The following PRDM16 variants were observed in gnomAD, a reference collection of about 807,000 sequenced individuals.
The protein encoded by PRDM16 is histone-lysine N-methyltransferase PRDM16.
In PRDM16, 23 loss-of-function variants were observed where a neutral mutation model predicts 110.6. The observed-to-expected ratio is 0.21, with a 90% CI of 0.15 to 0.29. The LOEUF (loss-of-function observed/expected upper bound fraction) is 0.29. Among genes scored for constraint, PRDM16 ranks in the 10% least tolerant of loss-of-function variants. The probability of loss-of-function intolerance (pLI) is 1.00; values close to 1 mark genes in which losing one functional copy is unlikely to be tolerated. For missense variants in PRDM16, 1,615 were observed against 1,794.3 expected, an observed-to-expected ratio of 0.90 and a Z score of 1.81; for synonymous variants, 799 against 781.8, an observed-to-expected ratio of 1.02 and a Z score of -0.37.
intron 1 of PRDM16, among the ~76,000 whole-genome samples, chr1:3,183,931 C>T (rs564150548): frequency 1.3e-5 from 2 of 152,296 alleles, no homozygotes; most frequent in Admixed American, 1.3e-4. Flanking sequence ...CGGCCTCCAA[C>T]CCGACTTTGT....
intron 3 of PRDM16, among the ~76,000 whole-genome samples, chr1:3,312,658 C>G (rs775670507): frequency 5.2e-5 from 8 of 152,386 alleles, no homozygotes; most frequent in Non-Finnish European, 1.0e-4. Context: ...AGAACCCGGC[C>G]TCGGCCAAGC....
At chr1:3,178,392 G>A (rs35483085) in intron 1 of PRDM16, among the ~76,000 whole-genome samples, 7,898 of 152,180 alleles carry the variant, frequency 0.052, 226 homozygotes, top group Admixed American at 0.072. Context: ...ACCCAGAACC[G>A]AGCTCTGCGG....
At chr1:3,134,853 G>A (rs1026037241) in intron 1 of PRDM16, among the ~76,000 whole-genome samples, 2 of 152,234 alleles carry the variant, frequency 1.3e-5, no homozygotes, top group Non-Finnish European at 2.9e-5. Context: ...CTGACCACCC[G>A]AACCCGCGTG....
chr1:3,181,048 AGTCTTACACGCG>A lies in PRDM16; in HGVS notation c.38-5067_38-5056del, dbSNP rs1471039312. ...GTCTTACACGCGGTCTTACACACGCAGTCTTACACGCGGTCTTACACACCCGGTCTTACACAC... is the reference window on the plus strand; with the variant it reads ...GTCTTACACGCGGTCTTACACACGCAGTCTTACACACCCGGTCTTACACAC... On this transcript the variant is annotated intron_variant, in intron 1 of 16. Transcript: ENST00000270722. Among the ~76,000 whole-genome samples, 462 of 136,500 alleles carry A rather than the reference AGTCTTACACGCG, an allele frequency of 3.4e-3. 5 individuals are homozygous for A. The highest frequency in any genetic ancestry group is 0.011 in the African/African-American group (389 of 34,708). The allele number at this position is 136,500 out of a possible 152,430, so 89.5% of individuals were successfully genotyped here.
intron 1 of PRDM16, among the ~76,000 whole-genome samples, chr1:3,144,003 C>T (rs753117608): frequency 2.6e-5 from 4 of 152,238 alleles, no homozygotes; most frequent in African/African-American, 4.8e-5. Context: ...CCTGTGAAGA[C>T]AGCTGCGTGG....
In PRDM16 at chr1:3,255,001, C is replaced by T. The variant is rs1242642402; in HGVS notation, c.438+10864C>T. Reference sequence around the variant, plus strand: ...AGAACAGAGCCCTCAGAAATAACGCCGCATGTCTACAACTATCTGATCTTT... The same window carrying T: ...AGAACAGAGCCCTCAGAAATAACGCTGCATGTCTACAACTATCTGATCTTT... On this transcript the variant is annotated intron_variant, in intron 3 of 16. Coordinates refer to ENST00000270722, the MANE Select transcript of PRDM16 (RefSeq NM_022114.4). This position sits in a 1 kb window ranked among gnomAD's most constrained non-coding sequence, Gnocchi z 4.7. Among the ~76,000 whole-genome samples the T allele has an allele frequency of 2.0e-5, 3 of 152,044 alleles. No homozygotes were observed. The highest frequency in any genetic ancestry group is 6.6e-5 in the Admixed American group (1 of 15,258).
Position 3,382,298 on chromosome 1 carries a change from A to G in PRDM16, c.439-2854A>G, listed in dbSNP as rs1643114961. 6.6e-6 allele frequency among the ~76,000 whole-genome samples: 1 copy of G among 152,124 alleles called. No homozygotes were observed. Among genetic ancestry groups the G allele is most frequent in the African/African-American group, 2.4e-5 (1 of 41,430 alleles). The stretch of plus-strand genomic sequence containing the variant: ...CTGTCCTGGCAAGAGATGGGGTGCA[A>G]TGGGGCGGGCTGCTGAGTCTGTGGT... On this transcript the variant is annotated intron_variant, in intron 3 of 16. Transcript: ENST00000270722. This position sits in a 1 kb window ranked among gnomAD's most constrained non-coding sequence, Gnocchi z 6.6.
intron 12 of PRDM16, among the ~76,000 whole-genome samples, chr1:3,419,720 G>A (rs1256772403): frequency 6.6e-6 from 1 of 152,054 alleles, no homozygotes; most frequent in Non-Finnish European, 1.5e-5. Context: ...TGCAGGCACT[G>A]GGGACTCAGT....
chr1:3,230,056 G>A (rs1015528379), intron 2 of PRDM16, among the ~76,000 whole-genome samples: 12 of 152,216 alleles, frequency 7.9e-5, no homozygotes, highest in African/African-American at 2.2e-4. Flanking sequence ...AAGGAGGAAC[G>A]CGCATCCCCC....
rs564988977 is a variant in PRDM16, at chr1:3,383,300, C to T, written c.439-1852C>T. Reference sequence around the variant, plus strand: ...AGGGAGCACAGGGACCCCAGGAGCACGCCCCTCTATCCTGGCTGACCTCCC... The same window carrying T: ...AGGGAGCACAGGGACCCCAGGAGCATGCCCCTCTATCCTGGCTGACCTCCC... On this transcript the variant is annotated intron_variant, in intron 3 of 16. Coordinates refer to ENST00000270722, the MANE Select transcript of PRDM16 (RefSeq NM_022114.4). Among the ~76,000 whole-genome samples, 182 of 152,310 alleles carry T rather than the reference C, an allele frequency of 1.2e-3. 1 individual carries two copies. Among genetic ancestry groups the T allele is most frequent in the Admixed American group, 1.4e-3 (21 of 15,306 alleles).
At chr1:3,424,597 C>T (rs570431074) in intron 12 of PRDM16, among the ~76,000 whole-genome samples, 1 of 152,248 alleles carries the variant, frequency 6.6e-6, no homozygotes, top group Non-Finnish European at 1.5e-5. Flanking sequence ...ATAAACCGAG[C>T]CCGGGAGCTG....
At chr1:3,357,527 C>T (rs767338852) in intron 3 of PRDM16, among the ~76,000 whole-genome samples, 10 of 152,172 alleles carry the variant, frequency 6.6e-5, no homozygotes, top group South Asian at 4.1e-4. Flanking sequence ...CTGGATCCGC[C>T]CCTCCTTCCC....
intron 1 of PRDM16, among the ~76,000 whole-genome samples, chr1:3,181,879 TGC>T (rs1473861858): frequency 1.1e-5 from 1 of 92,144 alleles, no homozygotes; most frequent in Non-Finnish European, 2.5e-5. Context: ...CACACGGTCT[TGC>T]ACACGCAGTC....
chr1:3,110,140 C>T (rs532607840), intron 1 of PRDM16, among the ~76,000 whole-genome samples: 10 of 119,840 alleles, frequency 8.3e-5, no homozygotes, highest in African/African-American at 1.3e-4. Context: ...ACAGTGTCTG[C>T]GGCTCCCCCA....
chr1:3,185,534 G>T (rs1644257489), intron 1 of PRDM16, among the ~76,000 whole-genome samples: 1 of 152,050 alleles, frequency 6.6e-6, no homozygotes, highest in Admixed American at 6.5e-5. Context: ...CCAGCCTGCG[G>T]CCCAAGTGCA....
chr1:3,428,406 G>A (rs1018710579), intron 14 of PRDM16, among the ~76,000 whole-genome samples: 1 of 152,216 alleles, frequency 6.6e-6, no homozygotes, highest in Non-Finnish European at 1.5e-5. Flanking sequence ...AAGGCCCACA[G>A]TGCCCTGCTT....
Position 3,346,669 on chromosome 1 carries a change from G to A in PRDM16, c.439-38483G>A, listed in dbSNP as rs117893337. On this transcript the variant is annotated intron_variant, in intron 3 of 16. Transcript: ENST00000270722. ...ACTCCTCCAAGCTGGCTGCAAGGAG[G>A]CACAGGCAGATGCATCTTCTCACCC... Among the ~76,000 whole-genome samples the A allele has an allele frequency of 4.9e-4, 75 of 152,242 alleles. 1 individual carries two copies. In the East Asian group the frequency reaches 0.013, roughly 27 times the overall value.
rs555163909 is a variant in PRDM16, at chr1:3,359,865, T to C, written c.439-25287T>C. Among the ~76,000 whole-genome samples the C allele has an allele frequency of 7.1e-6, 1 of 141,012 alleles. No individual in the cohort carries two copies. The highest frequency in any genetic ancestry group is 2.1e-4 in the South Asian group (1 of 4,822). The allele number at this position is 141,012 out of a possible 152,430, so 92.5% of individuals were successfully genotyped here. A position where few individuals can be genotyped will look rare whatever the true frequency, so the allele number is the denominator to read the frequency against. ...GGTGGCACCCGACAAGGGCTTCCAA[T>C]GTGTTCCATGTGCAGGATCTCTTGG... On this transcript the variant is annotated intron_variant, in intron 3 of 16. Transcript: ENST00000270722. This position sits in a 1 kb window ranked among gnomAD's most constrained non-coding sequence, Gnocchi z 4.3.
chr1:3,178,177 G>A (rs1557505137), intron 1 of PRDM16, among the ~76,000 whole-genome samples: 1 of 152,192 alleles, frequency 6.6e-6, no homozygotes, highest in Non-Finnish European at 1.5e-5. Context: ...GACGGCAAGG[G>A]TTTGGTCCCC....
Sources: allele counts gnomAD v4.1 joint callset (sites outside exome capture counted in the v4.1 genomes callset), GRCh38; gene constraint gnomAD v4.1.1; non-coding constraint Gnocchi (gnomAD v3.1); transcripts MANE v1.5; gene names NCBI Gene and HGNC (gene_info 2026-07-23, HGNC 2026-07-21).